Variants in PPM1H observed in about 807,000 individuals in gnomAD.
PPM1H encodes the protein protein phosphatase 1H.
PPM1H carries 27 observed loss-of-function variants against 54.9 expected under a neutral mutation model. The observed-to-expected ratio is 0.49, with a 90% CI of 0.36 to 0.68. The LOEUF (loss-of-function observed/expected upper bound fraction) is 0.68, where lower values mean the gene tolerates loss of function less well. Among genes scored for constraint, PPM1H ranks in the 30% least tolerant of loss-of-function variants. The pLI is 0.00. For synonymous variants in PPM1H, 305 were observed against 270.8 expected (o/e 1.13, Z -1.24); for missense variants, 596 against 667.8 (o/e 0.89, Z 1.19).
intron 4 of PPM1H, among the ~76,000 whole-genome samples, chr12:62,754,348 T>G (rs58310965): frequency 0.016 from 2,369 of 152,216 alleles, 75 homozygotes; most frequent in African/African-American, 0.055. Flanking sequence ...GGAGGATCAC[T>G]TGAGTGCAGG....
In PPM1H at chr12:62,684,464, C is replaced by CT. The variant is rs61615190; in HGVS notation, c.1245+5234dup. 3.2e-4 allele frequency among the ~76,000 whole-genome samples: 49 copies of CT among 151,552 alleles called. 1 individual carries two copies. The South Asian group carries it at 4.0e-3, about 12-fold the overall frequency. On this transcript the variant is annotated intron_variant, in intron 8 of 9. Transcript: ENST00000228705. ...CTAATTTTTAAACTCCTGTGAGTTT[C>CT]TTTTTTTTTAACATAAATTTGATCC... is the stretch of plus-strand genomic sequence containing the variant.
At chr12:62,673,807 C>G (rs2075970818) in intron 8 of PPM1H, among the ~76,000 whole-genome samples, 1 of 143,842 alleles carries the variant, frequency 7.0e-6, no homozygotes, top group East Asian at 2.1e-4. Flanking sequence ...CTCACTGCAG[C>G]CTCAACCTGC....
intron 1 of PPM1H, among the ~76,000 whole-genome samples, chr12:62,877,481 C>T (rs562792183): frequency 3.3e-5 from 5 of 152,272 alleles, no homozygotes; most frequent in African/African-American, 4.8e-5. Flanking sequence ...CAAGGTACCA[C>T]GCGATACGGT....
intron 3 of PPM1H, among the ~76,000 whole-genome samples, chr12:62,794,446 A>G (rs1328985103): frequency 6.6e-6 from 1 of 152,166 alleles, no homozygotes; most frequent in Non-Finnish European, 1.5e-5. Context: ...GGTATTTCCA[A>G]TCATTTACCC....
At chr12:62,745,768 G>A (rs1565776281) in intron 4 of PPM1H, among the ~76,000 whole-genome samples, 1 of 152,200 alleles carries the variant, frequency 6.6e-6, no homozygotes, top group African/African-American at 2.4e-5. Flanking sequence ...AGAAAAATAG[G>A]TTTAGAACTG....
rs185687476 is a variant in PPM1H at position 62,831,039 on chromosome 12, G to T, written c.411+1075C>A. Among the ~76,000 whole-genome samples, 294 of 152,040 alleles carry T rather than the reference G, an allele frequency of 1.9e-3. 8 individuals carry two copies. Among genetic ancestry groups the T allele is most frequent in the Admixed American group, 0.018 (276 of 15,280 alleles). ...CAGCTAATTTTTTGTATTTTTAGTA[G>T]AGATGGGGTTTCACCATGTTAGCCA... is the stretch of plus-strand genomic sequence containing the variant. On this transcript the variant is annotated intron_variant, in intron 2 of 9. Transcript: ENST00000228705.
intron 2 of PPM1H, among the ~76,000 whole-genome samples, chr12:62,821,631 A>G (rs561490495): frequency 6.6e-6 from 1 of 151,798 alleles, no homozygotes; most frequent in Non-Finnish European, 1.5e-5. Context: ...ACATTCTTAA[A>G]GAACCCAGAA....
At chr12:62,895,244 A>C (rs1316761287) in intron 1 of PPM1H, among the ~76,000 whole-genome samples, 2 of 152,242 alleles carry the variant, frequency 1.3e-5, no homozygotes, top group African/African-American at 4.8e-5. Context: ...CTGAACATAG[A>C]AGAGAGGGCA....
chr12:62,844,232 C>A lies in PPM1H; in HGVS notation c.246-11953G>T, dbSNP rs1868868936. On this transcript the variant is annotated intron_variant, in intron 1 of 9. Coordinates refer to ENST00000228705, the MANE Select transcript of PPM1H (RefSeq NM_020700.2). This position sits in a 1 kb window ranked among gnomAD's most constrained non-coding sequence, Gnocchi z 5.2. ...GAAGCTAAGGTTTCACTTATATAGG[C>A]AGAAACAGTTTTAGCAGGGTTCAGC... Among the ~76,000 whole-genome samples the A allele has an allele frequency of 1.3e-5, 2 of 152,148 alleles. No homozygotes were observed. The highest frequency in any genetic ancestry group is 2.9e-5 in the Non-Finnish European group (2 of 68,038).
At chr12:62,739,779 G>T (rs1489999723) in intron 4 of PPM1H, among the ~76,000 whole-genome samples, 3 of 152,224 alleles carry the variant, frequency 2.0e-5, no homozygotes, top group Admixed American at 1.3e-4. Context: ...AGAAGAAACT[G>T]TTCCTTGAAT....
chr12:62,831,133 G>A (rs554882794), intron 2 of PPM1H, among the ~76,000 whole-genome samples: 23 of 152,298 alleles, frequency 1.5e-4, no homozygotes, highest in African/African-American at 2.9e-4. Flanking sequence ...GATTACAGGC[G>A]TGAGCCACCA....
At position 62,775,841 on chromosome 12, in the gene PPM1H, T is replaced by C. The variant is rs373672087; in HGVS notation, c.869+12385A>G. Among the ~76,000 whole-genome samples the C allele has an allele frequency of 2.0e-5, 3 of 152,200 alleles. No individual in the cohort carries two copies. In the East Asian group the frequency reaches 5.8e-4, roughly 29 times the overall value. ...CAACTATAAAAGGTACATTCCTGGT[T>C]CAAGGCTGTATTAGTCTGTTCTCAT... On this transcript the variant is annotated intron_variant, in intron 4 of 9. Transcript: ENST00000228705.
intron 4 of PPM1H, among the ~76,000 whole-genome samples, chr12:62,781,259 G>A (rs983056921): frequency 1.3e-5 from 2 of 152,232 alleles, no homozygotes; most frequent in African/African-American, 4.8e-5. Context: ...CAGAGGAACA[G>A]GGCCTAAGTT....
intron 1 of PPM1H, among the ~76,000 whole-genome samples, chr12:62,898,212 AT>A (rs1331090178): frequency 5.3e-5 from 8 of 152,238 alleles, no homozygotes; most frequent in Admixed American, 6.5e-5. Flanking sequence ...AACTAAATGA[AT>A]TATTGTAGAT....
intron 9 of PPM1H, among the ~76,000 whole-genome samples, chr12:62,663,808 A>G (rs1481469715): frequency 6.6e-6 from 1 of 152,160 alleles, no homozygotes; most frequent in Non-Finnish European, 1.5e-5. Flanking sequence ...CCTGACCAAC[A>G]TGGAGAAACC....
intron 9 of PPM1H, chr12:62,658,858 C>A: frequency 3.4e-6 from 2 of 589,918 alleles, no homozygotes; most frequent in South Asian, 3.0e-5. Context: ...CCAAGATTGT[C>A]AAAAAAAGAA....
chr12:62,701,820 T>C (rs544932665), intron 6 of PPM1H, among the ~76,000 whole-genome samples: 11 of 152,330 alleles, frequency 7.2e-5, no homozygotes, highest in African/African-American at 2.6e-4. Flanking sequence ...TGGCGTTCTC[T>C]GCTCCTGCTC....
chr12:62,757,170 C>T (rs573814360), intron 4 of PPM1H, among the ~76,000 whole-genome samples: 11 of 152,162 alleles, frequency 7.2e-5, no homozygotes, highest in African/African-American at 2.2e-4. Flanking sequence ...CTCATGCTCT[C>T]GTAGGGCTGG....
At chr12:62,795,680 C>T (rs1468138667) in intron 3 of PPM1H, among the ~76,000 whole-genome samples, 1 of 152,232 alleles carries the variant, frequency 6.6e-6, no homozygotes, top group South Asian at 2.1e-4. Context: ...GATCCACCTG[C>T]CTGGGCCTCC....
Sources: gnomAD v4.1 joint callset for allele counts (sites outside exome capture counted in the v4.1 genomes callset) on GRCh38, gnomAD v4.1.1 for gene constraint, Gnocchi (gnomAD v3.1) non-coding constraint, MANE v1.5 for transcripts, NCBI Gene and HGNC (gene_info 2026-07-23, HGNC 2026-07-21) for gene names.